The following THRB variants were observed in gnomAD, a reference collection of about 807,000 sequenced individuals.
The protein encoded by THRB is nuclear receptor subfamily 1 group A member 2.
THRB carries 12 observed loss-of-function variants against 47.8 expected under a neutral mutation model. The ratio of observed to expected loss-of-function variants is 0.25; its 90% CI spans 0.16 to 0.41. THRB has a LOEUF of 0.41. Ranked by LOEUF, THRB falls within the 10% of genes least tolerant of loss-of-function variation. THRB has a pLI of 1.00. For missense variants in THRB, 348 were observed against 589.2 expected (o/e 0.59, Z 4.24); for synonymous variants, 218 against 212.2 (o/e 1.03, Z -0.24).
intron 8 of THRB, among the ~76,000 whole-genome samples, chr3:24,134,647 T>G (rs2034375091): frequency 6.6e-6 from 1 of 152,146 alleles, no homozygotes; most frequent in Admixed American, 6.5e-5. Flanking sequence ...CCTGTGGACC[T>G]TTTGACACTA....
At chr3:24,168,864 CT>C (rs2040039121) in intron 5 of THRB, among the ~76,000 whole-genome samples, 1 of 151,786 alleles carries the variant, frequency 6.6e-6, no homozygotes. Flanking sequence ...GTGTAATAAA[CT>C]TGGCATGGGG....
At chr3:24,405,927 T>C (rs2067788144) in intron 1 of THRB, among the ~76,000 whole-genome samples, 1 of 151,612 alleles carries the variant, frequency 6.6e-6, no homozygotes, top group African/African-American at 2.4e-5. Flanking sequence ...TTTAAAGTGG[T>C]CTTATAAATT....
chr3:24,265,139 AC>A (rs1200734994), intron 3 of THRB, among the ~76,000 whole-genome samples: 3 of 152,066 alleles, frequency 2.0e-5, no homozygotes, highest in Non-Finnish European at 4.4e-5. Flanking sequence ...AATAGGAGGG[AC>A]CAAATTGGAC....
At chr3:24,476,298 A>G (rs950511826) in intron 1 of THRB, among the ~76,000 whole-genome samples, 1 of 152,178 alleles carries the variant, frequency 6.6e-6, no homozygotes, top group African/African-American at 2.4e-5. Context: ...CTTTCCCTCT[A>G]CAGGGTGTTC....
chr3:24,385,067 A>G lies in THRB; in HGVS notation c.-260-47696T>C, dbSNP rs538218233. On this transcript the variant is annotated intron_variant, in intron 1 of 10. Coordinates refer to ENST00000646209, the MANE Select transcript of THRB (RefSeq NM_001354712.2). ...AGGTTAGGGAACTCTGCATTGAAGAAAGTATTTTTAATAAGAAAAACAATG... is the reference window on the plus strand; with the variant it reads ...AGGTTAGGGAACTCTGCATTGAAGAGAGTATTTTTAATAAGAAAAACAATG... Among the ~76,000 whole-genome samples the G allele has an allele frequency of 4.6e-5, 7 of 152,276 alleles. No individual in the cohort carries two copies. The East Asian group carries it at 1.4e-3, about 29-fold the overall frequency.
chr3:24,310,242 CTT>C (rs1466712656), intron 2 of THRB, among the ~76,000 whole-genome samples: 1 of 152,164 alleles, frequency 6.6e-6, no homozygotes, highest in African/African-American at 2.4e-5. Flanking sequence ...TTTCATGTGA[CTT>C]ATATATTGTT....
intron 1 of THRB, among the ~76,000 whole-genome samples, chr3:24,391,355 T>C (rs981691025): frequency 6.6e-6 from 1 of 152,196 alleles, no homozygotes; most frequent in African/African-American, 2.4e-5. Context: ...CAGTCTTGAA[T>C]CATGCTGTCA....
chr3:24,237,477 T>C (rs1230955777), intron 3 of THRB, among the ~76,000 whole-genome samples: 1 of 152,112 alleles, frequency 6.6e-6, no homozygotes, highest in African/African-American at 2.4e-5. Context: ...CATTCTAGAG[T>C]TCCCCCTACT....
At chr3:24,126,433 C>A (rs1239864222) in intron 10 of THRB, among the ~76,000 whole-genome samples, 1 of 152,152 alleles carries the variant, frequency 6.6e-6, no homozygotes, top group South Asian at 2.1e-4. Flanking sequence ...AGCAACTCTA[C>A]AAAGAATTCT....
chr3:24,138,697 A>C (rs535933702), intron 8 of THRB, among the ~76,000 whole-genome samples: 1 of 152,128 alleles, frequency 6.6e-6, no homozygotes, highest in Non-Finnish European at 1.5e-5. Flanking sequence ...ACGTGATTGC[A>C]CTTGTACTAT....
At chr3:24,252,460 C>A (rs1029021019) in intron 3 of THRB, among the ~76,000 whole-genome samples, 4 of 151,794 alleles carry the variant, frequency 2.6e-5, no homozygotes, top group Non-Finnish European at 5.9e-5. Context: ...TGGTTAAATA[C>A]CAAGTATATG....
At chr3:24,394,550 G>A (rs753904080) in intron 1 of THRB, among the ~76,000 whole-genome samples, 1 of 152,042 alleles carries the variant, frequency 6.6e-6, no homozygotes, top group East Asian at 1.9e-4. Context: ...TGCTTCGTCT[G>A]CTTTTAAGCA....
intron 1 of THRB, among the ~76,000 whole-genome samples, chr3:24,376,653 G>A (rs920893375): frequency 2.7e-5 from 4 of 145,760 alleles, no homozygotes; most frequent in Non-Finnish European, 6.0e-5. Context: ...TCCAAAAAAA[G>A]GCAATGCCTT....
At chr3:24,331,850 A>G (rs965424362) in intron 2 of THRB, among the ~76,000 whole-genome samples, 11 of 152,132 alleles carry the variant, frequency 7.2e-5, no homozygotes, top group African/African-American at 2.7e-4. Context: ...ACCACAAACT[A>G]CAGTACTCAA....
chr3:24,134,100 A>G (rs1170722757), intron 8 of THRB, among the ~76,000 whole-genome samples: 1 of 152,218 alleles, frequency 6.6e-6, no homozygotes, highest in African/African-American at 2.4e-5. Context: ...TCCCTAGGGC[A>G]GTTCTCTGCT....
intron 1 of THRB, among the ~76,000 whole-genome samples, chr3:24,427,555 A>C (rs1490853032): frequency 6.6e-6 from 1 of 152,044 alleles, no homozygotes; most frequent in East Asian, 1.9e-4. Flanking sequence ...CATACAAATA[A>C]GCAGAAAATT....
chr3:24,294,654 C>T (rs888443888), intron 3 of THRB, among the ~76,000 whole-genome samples: 3 of 152,136 alleles, frequency 2.0e-5, no homozygotes, highest in African/African-American at 7.2e-5. Context: ...GAACAAAAGG[C>T]AACACGGAGA....
At chr3:24,233,612 A>AAAGAAAGT in intron 3 of THRB, among the ~76,000 whole-genome samples, 1 of 152,078 alleles carries the variant, frequency 6.6e-6, no homozygotes, top group East Asian at 1.9e-4. Flanking sequence ...AGAAAGAAAG[A>AAAGAAAGT]AAGAGAAAGA....
At chr3:24,446,787 A>G (rs1252995760) in intron 1 of THRB, among the ~76,000 whole-genome samples, 1 of 152,120 alleles carries the variant, frequency 6.6e-6, no homozygotes, top group Non-Finnish European at 1.5e-5. Flanking sequence ...CATGGTCCTC[A>G]GAGATGTCCA....
Sources: allele counts gnomAD v4.1 joint callset (sites outside exome capture counted in the v4.1 genomes callset), GRCh38; gene constraint gnomAD v4.1.1; transcripts MANE v1.5; gene names NCBI Gene and HGNC (gene_info 2026-07-23, HGNC 2026-07-21).